The following ZC3H4 variants were observed in gnomAD, a reference collection of about 807,000 sequenced individuals.
The protein encoded by ZC3H4 is zinc finger CCCH domain-containing protein 4.
Under a neutral mutation model 108.3 loss-of-function variants are expected in ZC3H4, and 13 were observed. The observed-to-expected ratio is 0.12, with a 90% CI of 0.08 to 0.19. The LOEUF (loss-of-function observed/expected upper bound fraction) is 0.19. Ranked by LOEUF, ZC3H4 falls within the 10% of genes least tolerant of loss-of-function variation. The pLI is 1.00. For synonymous variants in ZC3H4, 917 were observed against 749.6 expected (o/e 1.22, Z -3.65); for missense variants, 1,734 against 1,838.8 (o/e 0.94, Z 1.04).
At chr19:47,083,961 T>C (rs2057568696) in intron 9 of ZC3H4, among the ~76,000 whole-genome samples, 1 of 151,954 alleles carries the variant, frequency 6.6e-6, no homozygotes, top group Non-Finnish European at 1.5e-5. Flanking sequence ...AACCTCATCC[T>C]CCCCTCCTCT....
intron 11 of ZC3H4, among the ~76,000 whole-genome samples, chr19:47,079,292 G>GT (rs1427068843): frequency 6.6e-6 from 1 of 151,510 alleles, no homozygotes; most frequent in Non-Finnish European, 1.5e-5. Context: ...GCATCCCACA[G>GT]TGGGGGGGTT....
intron 9 of ZC3H4, 55 bp from the exon 10 acceptor site, chr19:47,082,350 T>C: frequency 7.5e-7 from 1 of 1,336,652 alleles, no homozygotes; most frequent in Non-Finnish European, 1.1e-6. Flanking sequence ...TCTTGCTTAC[T>C]TCTGTCTGCA....
intron 1 of ZC3H4, chr19:47,113,149 G>C (rs564528193): frequency 6.5e-6 from 1 of 152,800 alleles, no homozygotes; most frequent in South Asian, 2.0e-4. Context: ...TAGAGGCTGA[G>C]GCGGGAGGAA....
At chr19:47,110,087 C>G (rs1025409713) in intron 2 of ZC3H4, among the ~76,000 whole-genome samples, 1 of 152,106 alleles carries the variant, frequency 6.6e-6, no homozygotes, top group African/African-American at 2.4e-5. Context: ...GGGCTTGACA[C>G]AGTTTACAGA....
Position 47,085,486 on chromosome 19 carries a change from T to C in ZC3H4, c.871-72A>G, listed in dbSNP as rs938219432. On this transcript the variant is annotated intron_variant, in intron 6 of 14. Coordinates refer to ENST00000253048, the MANE Select transcript of ZC3H4 (RefSeq NM_015168.2). ...ATGAACACTGTCCCCACCTACACAC[T>C]GCTCCTTTTTGAAGGATGGTGACCA... 3 of 1,332,582 alleles carry C rather than the reference T, an allele frequency of 2.3e-6. No homozygotes were observed. In the African/African-American group the frequency reaches 4.4e-5, roughly 20 times the overall value. 82.5% of individuals were successfully genotyped at this position (1,332,582 alleles called of 1,614,324 possible).
chr19:47,103,649 G>A (rs966486020), intron 2 of ZC3H4, among the ~76,000 whole-genome samples: 10 of 151,814 alleles, frequency 6.6e-5, no homozygotes, highest in South Asian at 4.2e-4. Flanking sequence ...CCCGTTGGCC[G>A]GGCACAGTGG....
At chr19:47,108,884 G>C (rs1239022907) in intron 2 of ZC3H4, among the ~76,000 whole-genome samples, 2 of 151,906 alleles carry the variant, frequency 1.3e-5, no homozygotes, top group African/African-American at 4.8e-5. Flanking sequence ...AATTTGAGGG[G>C]AATTAAAAAA....
At chr19:47,077,915 A>G (rs1033941830) in intron 11 of ZC3H4, among the ~76,000 whole-genome samples, 3 of 152,012 alleles carry the variant, frequency 2.0e-5, no homozygotes, top group African/African-American at 7.2e-5. Flanking sequence ...GTCTGTGTGC[A>G]TACTCCAAAG....
chr19:47,075,270 C>T (rs981472956), intron 11 of ZC3H4, among the ~76,000 whole-genome samples: 4 of 152,172 alleles, frequency 2.6e-5, no homozygotes, highest in Non-Finnish European at 5.9e-5. Context: ...GAGGCAGAAC[C>T]CGCATTCTGC....
chr19:47,076,593 C>T (rs987784385), intron 11 of ZC3H4, among the ~76,000 whole-genome samples: 10 of 152,328 alleles, frequency 6.6e-5, no homozygotes, highest in African/African-American at 2.4e-4. Context: ...CAGTGGCTCA[C>T]GCCTGTAATC....
chr19:47,099,369 G>A (rs1254413219), intron 2 of ZC3H4, among the ~76,000 whole-genome samples: 2 of 151,810 alleles, frequency 1.3e-5, no homozygotes, highest in East Asian at 3.9e-4. Flanking sequence ...TGAGGCAGGA[G>A]AATCACTTGA....
chr19:47,090,471 G>C (rs2057712412), intron 4 of ZC3H4, among the ~76,000 whole-genome samples: 2 of 152,276 alleles, frequency 1.3e-5, no homozygotes, highest in South Asian at 4.1e-4. Context: ...GAGAAGAAGG[G>C]AGCATTTCCC....
rs201728658 is a variant in ZC3H4, at chr19:47,085,066, T to A, written c.1097A>T (p.Glu366Val). ...GTGGAGTCAACTCACGCCCATGTCC[T>A]CGTCATAGAAGTCTTCGTCATCGTT... ...GMNDDEDFYD[E>V]DMGDGGGGSY... The change falls in exon 8 of 15, where the codon GAG becomes GTG. Residue 366 changes from glutamate to valine, a missense_variant. Physicochemically the swap from Glu to Val is moderately radical, Grantham distance 121. This residue lies in a region of ZC3H4 where 403 missense variants were observed against 457.0 expected (regional missense o/e 0.88). Transcript: ENST00000253048. The A allele has an allele frequency of 3.3e-5, 54 of 1,614,194 alleles. No homozygotes were observed. Among genetic ancestry groups the A allele is most frequent in the Middle Eastern group, 1.7e-4 (1 of 6,060 alleles).
intron 13 of ZC3H4, among the ~76,000 whole-genome samples, chr19:47,070,133 GA>G (rs376377415): frequency 4.5e-4 from 69 of 152,068 alleles, no homozygotes; most frequent in African/African-American, 1.4e-3. Context: ...CACCGAAACG[GA>G]GGGGGGGGCG....
chr19:47,094,185 G>GGGAGGA, intron 3 of ZC3H4, 105 bp from the exon 4 acceptor site: 2 of 1,230,518 alleles, frequency 1.6e-6, no homozygotes, highest in Non-Finnish European at 2.3e-6. Context: ...AGGGCTCTGC[G>GGGAGGA]CTTCACCTGA....
chr19:47,071,004 G>A (rs1328379946), intron 13 of ZC3H4, among the ~76,000 whole-genome samples: 2 of 152,110 alleles, frequency 1.3e-5, no homozygotes, highest in African/African-American at 4.8e-5. Context: ...GCCCCCACCC[G>A]CTGCCCTCGG....
Position 47,070,501 on chromosome 19 carries a change from C to T in ZC3H4, c.2147-1158G>A, listed in dbSNP as rs763186370. Among the ~76,000 whole-genome samples, 192 of 152,292 alleles carry T rather than the reference C, an allele frequency of 1.3e-3. 2 individuals carry two copies. Among genetic ancestry groups the T allele is most frequent in the Non-Finnish European group, 2.2e-3 (148 of 68,020 alleles). ...TTCTAGAGACACCTACTGCTACCAACGTGACGGACTTCTGGTGCCCCGCCA... is the reference window on the plus strand; with the variant it reads ...TTCTAGAGACACCTACTGCTACCAATGTGACGGACTTCTGGTGCCCCGCCA... On this transcript the variant is annotated intron_variant, in intron 13 of 14. Transcript: ENST00000253048.
At chr19:47,075,766 A>G (rs1336316411) in intron 11 of ZC3H4, among the ~76,000 whole-genome samples, 2 of 152,200 alleles carry the variant, frequency 1.3e-5, no homozygotes, top group African/African-American at 4.8e-5. Context: ...AAACCAATGC[A>G]TTCCCTGGAA....
intron 9 of ZC3H4, among the ~76,000 whole-genome samples, chr19:47,083,772 C>T (rs2122863451): frequency 6.6e-6 from 1 of 152,334 alleles, no homozygotes; most frequent in East Asian, 1.9e-4. Context: ...CTTCCCAAGA[C>T]AGATGCAGGG....
Sources: gnomAD v4.1 joint callset for allele counts (sites outside exome capture counted in the v4.1 genomes callset) on GRCh38, gnomAD v4.1.1 for gene constraint, gnomAD v4.1.1 regional missense constraint, MANE v1.5 for transcripts, NCBI Gene and HGNC (gene_info 2026-07-23, HGNC 2026-07-21) for gene names.